DOCK7: variants seen among roughly 807,000 people sequenced by gnomAD.
DOCK7 encodes the protein dedicator of cytokinesis protein 7.
Under a neutral mutation model 271.0 loss-of-function variants are expected in DOCK7, and 138 were observed. The ratio of observed to expected loss-of-function variants is 0.51; its 90% confidence interval spans 0.44 to 0.59. The LOEUF (loss-of-function observed/expected upper bound fraction) is 0.59, where lower values mean the gene tolerates loss of function less well. Among genes scored for constraint, DOCK7 ranks in the 20% least tolerant of loss-of-function variants. The probability of loss-of-function intolerance (pLI) is 0.00; values close to 1 mark genes in which losing one functional copy is unlikely to be tolerated. For missense variants in DOCK7, 2,066 were observed against 2,592.4 expected (o/e 0.80, Z 4.41); for synonymous variants, 823 against 876.1 (o/e 0.94, Z 1.07).
chr1:62,563,434 C>T (rs1646398905), intron 18 of DOCK7, among the ~76,000 whole-genome samples: 2 of 152,020 alleles, frequency 1.3e-5, no homozygotes, highest in Admixed American at 6.6e-5. Flanking sequence ...GCTAGATAGA[C>T]CCGACAAGGA....
chr1:62,599,442 A>G (rs1313103002), intron 14 of DOCK7, among the ~76,000 whole-genome samples: 1 of 152,040 alleles, frequency 6.6e-6, no homozygotes, highest in East Asian at 1.9e-4. Context: ...TCACTTAACC[A>G]AAAATCACAA....
In DOCK7 at chr1:62,618,811, G is replaced by A. The variant is rs758149186; in HGVS notation, c.1577C>T (p.Pro526Leu). The A allele has an allele frequency of 4.3e-6, 7 of 1,613,716 alleles. No individual in the cohort carries two copies. The highest frequency in any genetic ancestry group is 2.2e-5 in the East Asian group (1 of 44,836). Reference sequence around the variant, plus strand: ...GTAAAGCTTCACTTGAAGCAGCTCCGGAGTTAGGCAATAATGGGGATTTTC... The same window carrying A: ...GTAAAGCTTCACTTGAAGCAGCTCCAGAGTTAGGCAATAATGGGGATTTTC... Reference protein sequence around the residue: ...APENPHYCLTPELLQVKLYPD... With the variant: ...APENPHYCLTLELLQVKLYPD... Residue 526 changes from proline to leucine, a missense_variant, in exon 14 of 50, where the codon CCG (proline) becomes CTG (leucine). Transcript: ENST00000635253.
intron 48 of DOCK7, among the ~76,000 whole-genome samples, chr1:62,469,493 C>T (rs1194124413): frequency 6.6e-6 from 1 of 152,166 alleles, no homozygotes; most frequent in African/African-American, 2.4e-5. Context: ...TCCTTCTAGA[C>T]ATTGGCTTGG....
intron 18 of DOCK7, among the ~76,000 whole-genome samples, chr1:62,570,691 C>T (rs964447626): frequency 6.6e-6 from 1 of 152,112 alleles, no homozygotes; most frequent in African/African-American, 2.4e-5. Flanking sequence ...CAGCATGGTG[C>T]TAGTACAAAA....
intron 10 of DOCK7, among the ~76,000 whole-genome samples, 168 bp from the exon 11 acceptor site, chr1:62,631,573 T>C (rs1228155053): frequency 6.6e-6 from 1 of 152,182 alleles, no homozygotes; most frequent in Non-Finnish European, 1.5e-5. Flanking sequence ...TCTTAACCAG[T>C]GAACAAACTC....
chr1:62,513,724 C>T lies in DOCK7; in HGVS notation c.4111G>A (p.Glu1371Lys). The T allele has an allele frequency of 6.2e-7, 1 of 1,613,692 alleles. No homozygotes were observed. The highest frequency in any genetic ancestry group is 1.1e-5 in the South Asian group (1 of 90,958). Reference sequence around the variant, plus strand: ...GTACAATGACCACTTACTTTATACTCAAAGCAAGACACACAGAGATAAAGC... The same window carrying T: ...GTACAATGACCACTTACTTTATACTTAAAGCAAGACACACAGAGATAAAGC... ...DLLYLCVSCF[E>K]YKGKKVFERM... Residue 1371 changes from glutamate to lysine, a missense_variant, in exon 32 of 50, where the codon GAG becomes AAG. Physicochemically the swap from Glu to Lys is moderately conservative, Grantham distance 56. Transcript: ENST00000635253.
Position 62,578,907 on chromosome 1 carries a change from T to C in DOCK7, c.1931A>G (p.His644Arg). The change falls in exon 17 of 50, where the codon CAT becomes CGT. Residue 644 changes from histidine to arginine, a missense_variant. Physicochemically the swap from His to Arg is conservative, Grantham distance 29. This residue lies in a region of DOCK7 where 1,414 missense variants were observed against 1,670.4 expected (regional missense o/e 0.85). Coordinates refer to ENST00000635253, the MANE Select transcript of DOCK7 (RefSeq NM_001367561.1). ...VKLPATLTDH[H>R]HLLFTFYHVS... Reference sequence around the variant, plus strand: ...ATGATAAAAAGTAAAAAGCAAGTGATGATGGTCAGTTAAAGTAGCAGGAAG... The same window carrying C: ...ATGATAAAAAGTAAAAAGCAAGTGACGATGGTCAGTTAAAGTAGCAGGAAG... 1 of 1,608,560 alleles carries C rather than the reference T, an allele frequency of 6.2e-7. No individual in the cohort carries two copies. Among genetic ancestry groups the C allele is most frequent in the Non-Finnish European group, 8.5e-7 (1 of 1,178,164 alleles).
intron 2 of DOCK7, among the ~76,000 whole-genome samples, chr1:62,656,908 T>C (rs957109772): frequency 1.3e-5 from 2 of 152,116 alleles, no homozygotes; most frequent in Non-Finnish European, 2.9e-5. Flanking sequence ...AGTGGGGAGC[T>C]AGATTTCTTC....
chr1:62,559,758 T>C (rs1646262705), intron 19 of DOCK7, among the ~76,000 whole-genome samples: 2 of 152,188 alleles, frequency 1.3e-5, no homozygotes, highest in South Asian at 4.1e-4. Context: ...TTAAGACAGC[T>C]ATTCTTTGAA....
At chr1:62,487,318 A>G in intron 43 of DOCK7, 80 bp downstream of exon 43, 1 of 1,398,950 alleles carries the variant, frequency 7.1e-7, no homozygotes, top group Non-Finnish European at 1.0e-6. Flanking sequence ...CACAGCTAGC[A>G]CATGTGGGCA....
chr1:62,470,195 A>C (rs1188112613), intron 48 of DOCK7, among the ~76,000 whole-genome samples: 2 of 152,246 alleles, frequency 1.3e-5, no homozygotes, highest in Non-Finnish European at 2.9e-5. Flanking sequence ...ATGAATAAAG[A>C]AGCTGTGGTG....
At chr1:62,649,406 G>A (rs542730391) in intron 4 of DOCK7, among the ~76,000 whole-genome samples, 26 of 152,164 alleles carry the variant, frequency 1.7e-4, no homozygotes, top group African/African-American at 6.0e-4. Flanking sequence ...TAACATCACT[G>A]CATAATCGCA....
chr1:62,532,985 G>A (rs1442775825), intron 29 of DOCK7, among the ~76,000 whole-genome samples: 1 of 152,118 alleles, frequency 6.6e-6, no homozygotes, highest in Non-Finnish European at 1.5e-5. Flanking sequence ...TTAGGATAAA[G>A]CTGACACTTC....
chr1:62,538,501 T>C (rs1021405926), intron 27 of DOCK7, among the ~76,000 whole-genome samples: 1 of 152,188 alleles, frequency 6.6e-6, no homozygotes, highest in Non-Finnish European at 1.5e-5. Flanking sequence ...TTAACAGCTT[T>C]AGTGTCCCTA....
intron 31 of DOCK7, among the ~76,000 whole-genome samples, chr1:62,518,038 C>T (rs1169976517): frequency 6.6e-6 from 1 of 152,160 alleles, no homozygotes; most frequent in African/African-American, 2.4e-5. Context: ...ACATAAATGA[C>T]TCTTACAAAC....
intron 8 of DOCK7, 168 bp from the exon 9 acceptor site, chr1:62,635,090 A>C (rs1655094379): frequency 2.4e-6 from 1 of 424,284 alleles, no homozygotes; most frequent in Admixed American, 4.1e-5. Context: ...TAATAAATTA[A>C]ATTTCTATTT....
rs778186162 is a variant in DOCK7 at position 62,539,613 on chromosome 1, G to A, written c.3232C>T (p.Leu1078Phe). Residue 1078 changes from leucine (L) to phenylalanine (F), a missense_variant, in exon 27 of 50, where the codon CTC becomes TTC. Coordinates refer to ENST00000635253, the MANE Select transcript of DOCK7 (RefSeq NM_001367561.1). ...ERLNTSLAFF[L>F]NDLLSVMDRG... ...TCCATAACAGACAACAGATCATTGA[G>A]AAAGAATGCAAGGCTTGTATTGAGT... 1.9e-6 allele frequency: 3 copies of A among 1,613,872 alleles called. No individual in the cohort carries two copies. Among genetic ancestry groups the A allele is most frequent in the South Asian group, 2.2e-5 (2 of 91,012 alleles).
intron 1 of DOCK7, among the ~76,000 whole-genome samples, chr1:62,680,381 C>A (rs996537126): frequency 3.7e-4 from 56 of 152,076 alleles, no homozygotes; most frequent in African/African-American, 1.3e-3. Flanking sequence ...TTATACAAAA[C>A]TGAATTCAAG....
At chr1:62,605,616 T>A (rs1053529719) in intron 14 of DOCK7, 7 of 152,418 alleles carry the variant, frequency 4.6e-5, no homozygotes, top group Admixed American at 1.3e-4. Context: ...TGAACATATT[T>A]GTGGCATCGA....
Sources: gnomAD v4.1 joint callset for allele counts (sites outside exome capture counted in the v4.1 genomes callset) on GRCh38, gnomAD v4.1.1 for gene constraint, gnomAD v4.1.1 regional missense constraint, MANE v1.5 for transcripts, NCBI Gene and HGNC (gene_info 2026-07-23, HGNC 2026-07-21) for gene names.